RHOT1: variants seen among roughly 807,000 people sequenced by gnomAD.
The protein encoded by RHOT1 is mitochondrial Rho GTPase 1.
Under a neutral mutation model 95.3 loss-of-function variants are expected in RHOT1, and 27 were observed. The observed-to-expected ratio is 0.28, with a 90% CI of 0.21 to 0.39. RHOT1 has a LOEUF of 0.39. RHOT1 is among the 10% of genes least tolerant of loss of function. The pLI is 1.00. For missense variants in RHOT1, 578 were observed against 786.7 expected, an observed-to-expected ratio of 0.73 and a Z score of 3.17; for synonymous variants, 227 against 263.5, an observed-to-expected ratio of 0.86 and a Z score of 1.34.
At chr17:32,217,212 C>T (rs1165551430) in intron 19 of RHOT1, among the ~76,000 whole-genome samples, 1 of 152,148 alleles carries the variant, frequency 6.6e-6, no homozygotes, top group Non-Finnish European at 1.5e-5. Flanking sequence ...TTAGTGCACA[C>T]CTGTGTCGTT....
intron 1 of RHOT1, among the ~76,000 whole-genome samples, chr17:32,149,939 A>G (rs2032078675): frequency 6.6e-6 from 1 of 151,502 alleles, no homozygotes; most frequent in Non-Finnish European, 1.5e-5. Flanking sequence ...TTTAGTAGAG[A>G]TGGGTTTTGC....
intron 2 of RHOT1, among the ~76,000 whole-genome samples, chr17:32,171,622 G>C (rs1355272958): frequency 6.6e-6 from 1 of 152,080 alleles, no homozygotes; most frequent in African/African-American, 2.4e-5. Context: ...ATAAAATGTT[G>C]CTCATAAACC....
At position 32,142,505 on chromosome 17, in the gene RHOT1, G is replaced by A; in HGVS notation, c.-188G>A. On this transcript the variant is annotated 5_prime_UTR_variant, in exon 1 of 20. Transcript: ENST00000545287. The stretch of plus-strand genomic sequence containing the variant: ...CGCCGCCGCCGCCGCCGCCGCCACA[G>A]CCCGCTGGGCCGGAGGAGGCGGAGC... 1 of 429,278 alleles carries A rather than the reference G, an allele frequency of 2.3e-6. No individual in the cohort carries two copies. Among genetic ancestry groups the A allele is most frequent in the South Asian group, 6.3e-5 (1 of 15,826 alleles). 26.6% of individuals were successfully genotyped at this position (429,278 alleles called of 1,614,324 possible).
chr17:32,185,149 T>A (rs2035938528), intron 8 of RHOT1, among the ~76,000 whole-genome samples: 1 of 151,934 alleles, frequency 6.6e-6, no homozygotes, highest in African/African-American at 2.4e-5. Flanking sequence ...TCGCTCTTGT[T>A]GCCCAGGCTG....
chr17:32,152,575 C>A (rs1260671172), intron 1 of RHOT1, among the ~76,000 whole-genome samples: 1 of 150,560 alleles, frequency 6.6e-6, no homozygotes, highest in African/African-American at 2.4e-5. Context: ...TTAAAATAAA[C>A]TTCCACTTCT....
intron 2 of RHOT1, chr17:32,173,165 T>C (rs2034715294): frequency 6.6e-6 from 1 of 152,222 alleles, no homozygotes; most frequent in South Asian, 2.1e-4. Context: ...TTTGCATCTG[T>C]GGTAAAGCAC....
In RHOT1 at chr17:32,173,812, T is replaced by A; in HGVS notation, c.97-19T>A. 1 of 1,534,866 alleles carries A rather than the reference T, an allele frequency of 6.5e-7. No individual in the cohort carries two copies. Among genetic ancestry groups the A allele is most frequent in the Non-Finnish European group, 8.9e-7 (1 of 1,121,510 alleles). The stretch of plus-strand genomic sequence containing the variant: ...ATTCAAAGGTGTTTTTTTTTTTCTA[T>A]ATTTGTTTGTAAATGAAGGTTCCTC... On this transcript the variant is annotated intron_variant, in intron 2 of 19. Transcript: ENST00000545287.
At chr17:32,176,286 C>T (rs537393682) in intron 6 of RHOT1, 73 bp downstream of exon 6, 4 of 1,133,070 alleles carry the variant, frequency 3.5e-6, no homozygotes, top group Non-Finnish European at 5.2e-6. Flanking sequence ...AGAAGTAGTA[C>T]ATTGAACTTC....
intron 1 of RHOT1, among the ~76,000 whole-genome samples, chr17:32,155,260 C>T (rs1257316876): frequency 3.3e-5 from 5 of 151,642 alleles, no homozygotes; most frequent in African/African-American, 7.3e-5. Context: ...CCTGGGTTCA[C>T]GCCATTCTCC....
At chr17:32,165,652 G>A (rs1050816806) in intron 1 of RHOT1, among the ~76,000 whole-genome samples, 4 of 152,166 alleles carry the variant, frequency 2.6e-5, no homozygotes, top group African/African-American at 9.6e-5. Context: ...TCTTTAAAAT[G>A]GGATCATATT....
intron 1 of RHOT1, chr17:32,150,692 G>C: frequency 6.3e-7 from 1 of 1,599,682 alleles, no homozygotes; most frequent in South Asian, 1.1e-5. Flanking sequence ...TCTATGATTT[G>C]GGATATGTCA....
At chr17:32,189,008 C>T (rs1410902306) in intron 8 of RHOT1, among the ~76,000 whole-genome samples, 1 of 152,158 alleles carries the variant, frequency 6.6e-6, no homozygotes, top group Non-Finnish European at 1.5e-5. Context: ...TTGTTAAAAA[C>T]ATAGATTCTG....
chr17:32,174,584 A>T (rs564525146), intron 3 of RHOT1, among the ~76,000 whole-genome samples: 21 of 152,376 alleles, frequency 1.4e-4, no homozygotes, highest in African/African-American at 5.0e-4. Context: ...GAAAGATATT[A>T]AAAATATGGC....
In RHOT1 at chr17:32,169,826, C is replaced by T. The variant is rs139237593; in HGVS notation, c.38-1217C>T. On this transcript the variant is annotated intron_variant, in intron 1 of 19. Transcript: ENST00000545287. ...TTTGAGACCATCCTGGGCGACATGA[C>T]GAAACCCTGTCCCTATTAAAAATAC... Among the ~76,000 whole-genome samples, 650 of 151,844 alleles carry T rather than the reference C, an allele frequency of 4.3e-3. 6 individuals carry two copies. The highest frequency in any genetic ancestry group is 0.014 in the African/African-American group (600 of 41,394).
intron 6 of RHOT1, among the ~76,000 whole-genome samples, chr17:32,180,452 A>G (rs1366498164): frequency 6.6e-6 from 1 of 152,014 alleles, no homozygotes; most frequent in African/African-American, 2.4e-5. Flanking sequence ...AGATGCTTGA[A>G]GGCAGCATGC....
intron 19 of RHOT1, among the ~76,000 whole-genome samples, chr17:32,219,966 C>T (rs976082033): frequency 3.3e-5 from 5 of 152,152 alleles, no homozygotes; most frequent in Non-Finnish European, 5.9e-5. Context: ...CATAGACACA[C>T]GTACACATTT....
chr17:32,191,702 G>A lies in RHOT1; in HGVS notation c.541-499G>A, dbSNP rs540654413. 9.1e-4 allele frequency among the ~76,000 whole-genome samples: 138 copies of A among 152,222 alleles called. 1 individual carries two copies. The highest frequency in any genetic ancestry group is 3.4e-3 in the Middle Eastern group (1 of 294). ...AAAAATTTTTTACACTTATTAACCA[G>A]TGATAATTTTGCCACTTGTTTGTGA... On this transcript the variant is annotated intron_variant, in intron 8 of 19. Coordinates refer to ENST00000545287, the MANE Select transcript of RHOT1 (RefSeq NM_001033566.3).
intron 18 of RHOT1, 105 bp downstream of exon 18, chr17:32,208,414 CAGAA>C: frequency 3.6e-6 from 4 of 1,117,392 alleles, no homozygotes; most frequent in Non-Finnish European, 5.3e-6. Flanking sequence ...TGTTCAGCAA[CAGAA>C]AGATACTTTG....
chr17:32,151,092 C>G (rs2032227506), intron 1 of RHOT1: 2 of 1,025,436 alleles, frequency 2.0e-6, no homozygotes, highest in Admixed American at 1.7e-5. Context: ...TGAAAACAGC[C>G]AGGTTATCAT....
Sources: gnomAD v4.1 joint callset for allele counts (sites outside exome capture counted in the v4.1 genomes callset) on GRCh38, gnomAD v4.1.1 for gene constraint, MANE v1.5 for transcripts, NCBI Gene and HGNC (gene_info 2026-07-23, HGNC 2026-07-21) for gene names.